GRIN2B: variants seen among roughly 807,000 people sequenced by gnomAD.
GRIN2B encodes glutamate receptor ionotropic, NMDA 2B.
In GRIN2B, 5 loss-of-function variants were observed where a neutral mutation model predicts 114.5. The ratio of observed to expected loss-of-function variants is 0.04; its 90% confidence interval spans 0.02 to 0.09. The LOEUF (loss-of-function observed/expected upper bound fraction) is 0.09. Ranked by LOEUF, GRIN2B falls within the 10% of genes least tolerant of loss-of-function variation. The probability of loss-of-function intolerance (pLI) is 1.00; values close to 1 mark genes in which losing one functional copy is unlikely to be tolerated. For synonymous variants in GRIN2B, 787 were observed against 745.1 expected (o/e 1.06, Z -0.92); for missense variants, 1,108 against 1,943.5 (o/e 0.57, Z 8.08).
intron 4 of GRIN2B, among the ~76,000 whole-genome samples, chr12:13,714,302 A>T (rs1186017092): frequency 3.3e-5 from 5 of 151,934 alleles, no homozygotes; most frequent in African/African-American, 1.2e-4. Flanking sequence ...AGATCTATTC[A>T]GTAAGATACT....
rs566287804 is a variant in GRIN2B at position 13,617,048 on chromosome 12, G to A, written c.1126-391C>T. Among the ~76,000 whole-genome samples, 8 of 152,278 alleles carry A rather than the reference G, an allele frequency of 5.3e-5. No individual in the cohort carries two copies. The South Asian group carries it at 1.7e-3, about 32-fold the overall frequency. On this transcript the variant is annotated intron_variant, in intron 5 of 13. Coordinates refer to ENST00000609686, the MANE Select transcript of GRIN2B (RefSeq NM_000834.5). ...GAGGATGCTGGAGTTCCCGCATTATGTGTGGCTGCCAGTTTTTTCTATTTA... is the reference window on the plus strand; with the variant it reads ...GAGGATGCTGGAGTTCCCGCATTATATGTGGCTGCCAGTTTTTTCTATTTA...
At chr12:13,710,071 G>A (rs1249856865) in intron 4 of GRIN2B, among the ~76,000 whole-genome samples, 1 of 151,906 alleles carries the variant, frequency 6.6e-6, no homozygotes, top group Non-Finnish European at 1.5e-5. Context: ...TCATAAAATG[G>A]TATATTACTC....
At chr12:13,875,661 T>G (rs1025568789) in intron 2 of GRIN2B, among the ~76,000 whole-genome samples, 2 of 152,220 alleles carry the variant, frequency 1.3e-5, no homozygotes, top group Non-Finnish European at 2.9e-5. Context: ...AAAGCCTCTT[T>G]TGCAATAATA....
At chr12:13,695,900 T>C (rs191926358) in intron 4 of GRIN2B, among the ~76,000 whole-genome samples, 32 of 152,174 alleles carry the variant, frequency 2.1e-4, no homozygotes, top group Non-Finnish European at 3.7e-4. Flanking sequence ...TCTGAGACTA[T>C]TGTGAAGAGT....
Position 13,840,193 on chromosome 12 carries a change from A to G in GRIN2B, c.411+25605T>C, listed in dbSNP as rs183196626. 8.5e-5 allele frequency among the ~76,000 whole-genome samples: 13 copies of G among 152,252 alleles called. No individual in the cohort carries two copies. In the East Asian group the frequency reaches 1.2e-3, roughly 14 times the overall value. On this transcript the variant is annotated intron_variant, in intron 3 of 13. Coordinates refer to ENST00000609686, the MANE Select transcript of GRIN2B (RefSeq NM_000834.5). Reference sequence around the variant, plus strand: ...TCAGTTCTGCCCCACCCAGCCCTCCATATCACTGGGGCCAACTTCACTCCC... The same window carrying G: ...TCAGTTCTGCCCCACCCAGCCCTCCGTATCACTGGGGCCAACTTCACTCCC...
intron 2 of GRIN2B, among the ~76,000 whole-genome samples, chr12:13,903,664 A>G (rs941246241): frequency 2.0e-5 from 3 of 152,068 alleles, no homozygotes; most frequent in African/African-American, 7.2e-5. Flanking sequence ...TGTTCCATAT[A>G]TGTTTGAAAT....
At chr12:13,836,298 A>C (rs1865264250) in intron 3 of GRIN2B, among the ~76,000 whole-genome samples, 1 of 152,214 alleles carries the variant, frequency 6.6e-6, no homozygotes, top group African/African-American at 2.4e-5. Context: ...CTGAGGGCTG[A>C]GCACAGCAAT....
intron 2 of GRIN2B, among the ~76,000 whole-genome samples, chr12:13,909,414 G>C (rs572988842): frequency 1.3e-5 from 2 of 152,216 alleles, no homozygotes; most frequent in African/African-American, 2.4e-5. Flanking sequence ...TTAGTACCTC[G>C]GGATAGGGCC....
At chr12:13,583,971 G>C (rs549381756) in intron 10 of GRIN2B, among the ~76,000 whole-genome samples, 1 of 152,254 alleles carries the variant, frequency 6.6e-6, no homozygotes, top group South Asian at 2.1e-4. Context: ...AAACTACTAA[G>C]AGCCTGGACT....
chr12:13,825,496 T>TTTTTTTGTG (rs375940899), intron 3 of GRIN2B, among the ~76,000 whole-genome samples: 3,235 of 122,946 alleles, frequency 0.026, 66 homozygotes, highest in South Asian at 0.034. Flanking sequence ...TATATATATT[T>TTTTTTTGTG]TGTGTGTGTG....
chr12:13,862,197 TAATTAG>T (rs1865763152), intron 3 of GRIN2B, among the ~76,000 whole-genome samples: 1 of 152,230 alleles, frequency 6.6e-6, no homozygotes, highest in African/African-American at 2.4e-5. Context: ...TCTTACTGAT[TAATTAG>T]CATATGCAAA....
At chr12:13,778,524 A>T (rs1349093413) in intron 3 of GRIN2B, among the ~76,000 whole-genome samples, 3 of 152,146 alleles carry the variant, frequency 2.0e-5, no homozygotes, top group Admixed American at 6.5e-5. Flanking sequence ...TTAGGTGCTG[A>T]CTTACAAGAA....
intron 4 of GRIN2B, chr12:13,683,907 TCA>T (rs1376436280): frequency 6.6e-6 from 1 of 152,172 alleles, no homozygotes; most frequent in East Asian, 1.9e-4. Context: ...GACTTTTGGA[TCA>T]CAGTCTAACT....
rs190979989 is a variant in GRIN2B, at chr12:13,961,813, A to G, written c.-19+18115T>C. ...AGAATCACTGGAGTCCCAAGAAGTC[A>G]GAGGCTGTCTTCCTCCCTTAGAGTG... On this transcript the variant is annotated intron_variant, in intron 2 of 13. Transcript: ENST00000609686. Among the ~76,000 whole-genome samples, 723 of 152,262 alleles carry G rather than the reference A, an allele frequency of 4.7e-3. 6 individuals are homozygous for G. Among genetic ancestry groups the G allele is most frequent in the South Asian group, 0.012 (56 of 4,820 alleles).
chr12:13,650,679 T>C (rs1441210707), intron 5 of GRIN2B, among the ~76,000 whole-genome samples: 2 of 152,086 alleles, frequency 1.3e-5, no homozygotes, highest in Non-Finnish European at 2.9e-5. Context: ...CTGCCTTACT[T>C]AAAATGTCAA....
Position 13,563,502 on chromosome 12 carries a change from T to G in GRIN2B, c.3736A>C (p.Lys1246Gln). 6.2e-7 allele frequency: 1 copy of G among 1,614,152 alleles called. No homozygotes were observed. Among genetic ancestry groups the G allele is most frequent in the Non-Finnish European group, 8.5e-7 (1 of 1,180,034 alleles). The change falls in exon 14 of 14, where the codon AAG (lysine) becomes CAG (glutamine). Residue 1246 changes from lysine to glutamine, a missense_variant. Physicochemically the swap from Lys to Gln is moderately conservative, Grantham distance 53 (BLOSUM62 1). Coordinates refer to ENST00000609686, the MANE Select transcript of GRIN2B (RefSeq NM_000834.5). Reference protein sequence around the residue: ...RQACIRCEACKKAGNLYDISE... With the variant: ...RQACIRCEACQKAGNLYDISE... ...ATGTCATACAGGTTGCCTGCTTTCT[T>G]GCAAGCCTCACACCGGATGCACGCC...
chr12:13,840,347 C>T (rs1459128981), intron 3 of GRIN2B, among the ~76,000 whole-genome samples: 2 of 152,102 alleles, frequency 1.3e-5, no homozygotes, highest in Non-Finnish European at 2.9e-5. Flanking sequence ...GGCTGAGAAA[C>T]GTGCCTTGGA....
In GRIN2B at chr12:13,743,827, CA is replaced by C. The variant is rs145021328; in HGVS notation, c.1010+9489del. Reference sequence around the variant, plus strand: ...CATCATTATTAGCCATGATGATGAACAACGAAATTTTTGATAATTGGGTTTT... The same window carrying C: ...CATCATTATTAGCCATGATGATGAACACGAAATTTTTGATAATTGGGTTTT... On this transcript the variant is annotated intron_variant, in intron 4 of 13. Coordinates refer to ENST00000609686, the MANE Select transcript of GRIN2B (RefSeq NM_000834.5). Among the ~76,000 whole-genome samples the C allele has an allele frequency of 1.9e-3, 287 of 152,166 alleles. 1 individual carries two copies. Among genetic ancestry groups the C allele is most frequent in the African/African-American group, 6.6e-3 (275 of 41,514 alleles).
intron 5 of GRIN2B, among the ~76,000 whole-genome samples, chr12:13,671,626 G>A (rs550903897): frequency 7.9e-5 from 12 of 152,142 alleles, no homozygotes; most frequent in Non-Finnish European, 1.8e-4. Context: ...GCACTGGGGT[G>A]CTCACTCCAG....
Sources: allele counts gnomAD v4.1 joint callset (sites outside exome capture counted in the v4.1 genomes callset), GRCh38; gene constraint gnomAD v4.1.1; transcripts MANE v1.5; gene names NCBI Gene and HGNC (gene_info 2026-07-23, HGNC 2026-07-21).